The following FAM78B variants were observed in gnomAD, a reference collection of about 807,000 sequenced individuals.
FAM78B encodes family with sequence similarity 78 member B.
A neutral mutation model predicts 20.0 loss-of-function variants in FAM78B; 10 were observed. That is an observed-to-expected ratio of 0.50 (90% CI 0.31 to 0.85). The LOEUF (loss-of-function observed/expected upper bound fraction) is 0.85. Among genes scored for constraint, FAM78B ranks in the 40% least tolerant of loss-of-function variants. FAM78B has a pLI of 0.05. For synonymous variants in FAM78B, 135 were observed against 132.8 expected, an observed-to-expected ratio of 1.02 and a Z score of -0.12; for missense variants, 283 against 345.0, an observed-to-expected ratio of 0.82 and a Z score of 1.42.
intron 1 of FAM78B, among the ~76,000 whole-genome samples, chr1:166,105,116 A>T (rs1470471574): frequency 2.0e-5 from 3 of 152,140 alleles, no homozygotes; most frequent in Non-Finnish European, 4.4e-5. Flanking sequence ...AGGATTCCCT[A>T]TTTAATAAAT....
At chr1:166,136,943 A>C (rs989242556) in intron 1 of FAM78B, among the ~76,000 whole-genome samples, 4 of 152,224 alleles carry the variant, frequency 2.6e-5, no homozygotes. Flanking sequence ...CGTATGGCTC[A>C]TAACTATCAT....
At chr1:166,150,990 T>C (rs1477741322) in intron 1 of FAM78B, among the ~76,000 whole-genome samples, 1 of 152,158 alleles carries the variant, frequency 6.6e-6, no homozygotes, top group African/African-American at 2.4e-5. Flanking sequence ...AGAAGTTGGA[T>C]GGTATGACCC....
At chr1:166,145,999 C>T (rs796095423) in intron 1 of FAM78B, among the ~76,000 whole-genome samples, 75 of 152,218 alleles carry the variant, frequency 4.9e-4, no homozygotes, top group Middle Eastern at 3.4e-3. Flanking sequence ...TTTTCATTTG[C>T]GAAGGAGAGA....
At chr1:166,133,703 C>A (rs1654963633) in intron 1 of FAM78B, among the ~76,000 whole-genome samples, 1 of 152,012 alleles carries the variant, frequency 6.6e-6, no homozygotes, top group African/African-American at 2.4e-5. Context: ...TTAATTAGAG[C>A]AGGTCTTTGC....
At chr1:166,130,455 C>T (rs960779028) in intron 1 of FAM78B, among the ~76,000 whole-genome samples, 6 of 152,172 alleles carry the variant, frequency 3.9e-5, no homozygotes, top group African/African-American at 1.4e-4. Flanking sequence ...TGAGTTAATG[C>T]AGTGGTTCTC....
intron 1 of FAM78B, among the ~76,000 whole-genome samples, chr1:166,102,655 T>G (rs1653576667): frequency 6.6e-6 from 1 of 152,196 alleles, no homozygotes; most frequent in African/African-American, 2.4e-5. Context: ...CAAGAAGAGC[T>G]AACTATCCTA....
chr1:166,127,613 T>C (rs928880301), intron 1 of FAM78B, among the ~76,000 whole-genome samples: 1 of 152,234 alleles, frequency 6.6e-6, no homozygotes, highest in African/African-American at 2.4e-5. Flanking sequence ...TTGATAATAG[T>C]ACTAGTAGAA....
chr1:166,107,491 T>A (rs1653831775), intron 1 of FAM78B, among the ~76,000 whole-genome samples: 1 of 151,952 alleles, frequency 6.6e-6, no homozygotes, highest in Admixed American at 6.6e-5. Context: ...ACAAGCAGAT[T>A]GAAATGGTAA....
intron 1 of FAM78B, among the ~76,000 whole-genome samples, chr1:166,136,681 C>T (rs913348707): frequency 3.9e-5 from 6 of 152,288 alleles, no homozygotes; most frequent in South Asian, 2.1e-4. Context: ...TGGAAGGCAA[C>T]GTTATGAGAT....
intron 1 of FAM78B, among the ~76,000 whole-genome samples, chr1:166,153,764 T>G (rs1020027834): frequency 6.6e-6 from 1 of 151,654 alleles, no homozygotes; most frequent in Non-Finnish European, 1.5e-5. Flanking sequence ...ACTACAGCTT[T>G]AGAGTAAGCC....
chr1:166,085,741 C>T (rs557674229), intron 1 of FAM78B, among the ~76,000 whole-genome samples: 1 of 152,310 alleles, frequency 6.6e-6, no homozygotes, highest in African/African-American at 2.4e-5. Flanking sequence ...AGAACATAAC[C>T]GACAGGGTCT....
intron 1 of FAM78B, among the ~76,000 whole-genome samples, chr1:166,110,623 C>T (rs1352005075): frequency 6.6e-6 from 1 of 152,172 alleles, no homozygotes; most frequent in Non-Finnish European, 1.5e-5. Flanking sequence ...TGGCTAGTGG[C>T]TTGGTGGGCA....
Position 166,109,870 on chromosome 1 carries a change from A to ATATG in FAM78B, c.264-39108_264-39107insCATA, listed in dbSNP as rs1474191041. On this transcript the variant is annotated intron_variant, in intron 1 of 1. Transcript: ENST00000354422. ...TATATATATATATATATGTATGTGT[A>ATATG]TATATATATATGTATATATGTATAT... Among the ~76,000 whole-genome samples the ATATG allele has an allele frequency of 1.0e-3, 12 of 11,466 alleles. 1 individual carries two copies. The highest frequency in any genetic ancestry group is 8.7e-3 in the East Asian group (4 of 458). 7.5% of individuals were successfully genotyped at this position (11,466 alleles called of 152,430 possible). A position where few individuals can be genotyped will look rare whatever the true frequency, so the allele number is the denominator to read the frequency against.
intron 1 of FAM78B, among the ~76,000 whole-genome samples, chr1:166,084,237 A>ACTCTCTCT (rs372134890): frequency 3.2e-4 from 40 of 125,468 alleles, no homozygotes; most frequent in Admixed American, 6.6e-4. Flanking sequence ...ACACACACAC[A>ACTCTCTCT]CTCTCTCTCT....
At chr1:166,148,258 G>A (rs557392204) in intron 1 of FAM78B, among the ~76,000 whole-genome samples, 6 of 152,340 alleles carry the variant, frequency 3.9e-5, no homozygotes, top group Admixed American at 1.3e-4. Context: ...TGGCAAGAGC[G>A]ATTGCAATAG....
chr1:166,067,774 C>T (rs1420683063), downstream of FAM78B, among the ~76,000 whole-genome samples: 2 of 152,216 alleles, frequency 1.3e-5, no homozygotes, highest in Admixed American at 6.5e-5. Context: ...GTACCAATAA[C>T]AATAATCACA....
chr1:166,127,537 C>T (rs554283884), intron 1 of FAM78B, among the ~76,000 whole-genome samples: 2 of 152,298 alleles, frequency 1.3e-5, no homozygotes, highest in African/African-American at 4.8e-5. Context: ...CTGGGGCCTA[C>T]TGTATGTGCT....
At chr1:166,098,675 C>T (rs1653379263) in intron 1 of FAM78B, among the ~76,000 whole-genome samples, 1 of 151,970 alleles carries the variant, frequency 6.6e-6, no homozygotes, top group Non-Finnish European at 1.5e-5. Flanking sequence ...TTCGAATTAA[C>T]CCAATCCAAC....
intron 1 of FAM78B, among the ~76,000 whole-genome samples, chr1:166,083,986 G>C (rs899194791): frequency 1.3e-5 from 2 of 151,968 alleles, no homozygotes; most frequent in African/African-American, 4.8e-5. Context: ...CTTTACGCAA[G>C]TAAGAACTGA....
Sources: gnomAD v4.1 joint callset for allele counts (sites outside exome capture counted in the v4.1 genomes callset) on GRCh38, gnomAD v4.1.1 for gene constraint, MANE v1.5 for transcripts, NCBI Gene and HGNC (gene_info 2026-07-23, HGNC 2026-07-21) for gene names.